The following STAG1 variants were observed in gnomAD, a reference collection of about 807,000 sequenced individuals.
STAG1 encodes the protein cohesin subunit SA-1.
Under a neutral mutation model 170.9 loss-of-function variants are expected in STAG1, and 26 were observed. That is an observed-to-expected ratio of 0.15 (90% CI 0.11 to 0.21). STAG1 has a LOEUF of 0.21. Among genes scored for constraint, STAG1 ranks in the 10% least tolerant of loss-of-function variants. The pLI, the probability that STAG1 is intolerant of heterozygous loss-of-function variation, is 1.00. For missense variants in STAG1, 964 were observed against 1,509.5 expected (o/e 0.64, Z 5.99); for synonymous variants, 514 against 497.7 (o/e 1.03, Z -0.44).
At chr3:136,410,837 G>A (rs1373203014) in intron 21 of STAG1, among the ~76,000 whole-genome samples, 1 of 152,074 alleles carries the variant, frequency 6.6e-6, no homozygotes, top group Non-Finnish European at 1.5e-5. Context: ...AGCTGGGGAC[G>A]GTGGCACATG....
chr3:136,629,849 T>C (rs975669219), intron 2 of STAG1, among the ~76,000 whole-genome samples: 2 of 152,212 alleles, frequency 1.3e-5, no homozygotes, highest in East Asian at 1.9e-4. Context: ...ATAAAAGCTA[T>C]GAAAGGAACA....
intron 1 of STAG1, among the ~76,000 whole-genome samples, chr3:136,693,942 TC>T (rs1000531316): frequency 1.3e-5 from 2 of 152,160 alleles, no homozygotes; most frequent in Non-Finnish European, 2.9e-5. Flanking sequence ...TTGTACAGTC[TC>T]CCATTCCATG....
At chr3:136,664,102 CCAGGTA>C (rs1941673375) in intron 1 of STAG1, among the ~76,000 whole-genome samples, 1 of 152,050 alleles carries the variant, frequency 6.6e-6, no homozygotes. Context: ...AGGATTAAGC[CCAGGTA>C]CTGGTCTAAA....
chr3:136,465,268 GGAGTACAACACCAT>G (rs1171807330), intron 12 of STAG1, among the ~76,000 whole-genome samples: 49 of 140,354 alleles, frequency 3.5e-4, no homozygotes, highest in Non-Finnish European at 5.3e-4. Flanking sequence ...CAACTAGGCT[GGAGTACAACACCAT>G]GATCTTGGCT....
rs61789637 is a variant in STAG1, at chr3:136,376,004, A to T, written c.2370+1656T>A. Among the ~76,000 whole-genome samples the T allele has an allele frequency of 5.7e-3, 787 of 139,002 alleles. 7 individuals are homozygous for T. Among genetic ancestry groups the T allele is most frequent in the Non-Finnish European group, 7.1e-3 (467 of 65,650 alleles). The allele number at this position is 139,002 out of a possible 152,430, so 91.2% of individuals were successfully genotyped here. On this transcript the variant is annotated intron_variant, in intron 23 of 33. Coordinates refer to ENST00000383202, the MANE Select transcript of STAG1 (RefSeq NM_005862.3). ...AATAAATAAATAAATAAATAAATAA[A>T]TAAATAATTAACAAAATAAAATAAA... is the stretch of plus-strand genomic sequence containing the variant.
At chr3:136,723,650 G>GT (rs1933455136) in intron 1 of STAG1, among the ~76,000 whole-genome samples, 1 of 147,240 alleles carries the variant, frequency 6.8e-6, no homozygotes, top group Admixed American at 6.7e-5. Flanking sequence ...CGTCCGGGAG[G>GT]GAGGTGGGGG....
At chr3:136,683,313 G>C (rs1164422670) in intron 1 of STAG1, among the ~76,000 whole-genome samples, 1 of 151,832 alleles carries the variant, frequency 6.6e-6, no homozygotes. Flanking sequence ...TCCCAGGCTG[G>C]AGTACAGTGG....
chr3:136,580,999 A>C (rs540237082), intron 4 of STAG1, among the ~76,000 whole-genome samples: 6 of 151,934 alleles, frequency 3.9e-5, no homozygotes, highest in Non-Finnish European at 8.8e-5. Context: ...CACAATTATA[A>C]GAGAAAGAAA....
At chr3:136,574,255 C>A (rs958188312) in intron 4 of STAG1, among the ~76,000 whole-genome samples, 1 of 151,052 alleles carries the variant, frequency 6.6e-6, no homozygotes, top group African/African-American at 2.4e-5. Context: ...AAAAAAAAAA[C>A]CCGACCACAT....
chr3:136,421,217 TTAC>T, intron 19 of STAG1, 54 bp from the exon 20 acceptor site: 2 of 1,076,216 alleles, frequency 1.9e-6, no homozygotes, highest in Middle Eastern at 2.3e-4. Flanking sequence ...TTATAGTATA[TTAC>T]TACTTATTGC....
chr3:136,635,406 C>T lies in STAG1; in HGVS notation c.-83-4425G>A, dbSNP rs1434133565. Among the ~76,000 whole-genome samples the T allele has an allele frequency of 3.9e-5, 6 of 152,102 alleles. No homozygotes were observed. In the East Asian group the frequency reaches 1.2e-3, roughly 29 times the overall value. The stretch of plus-strand genomic sequence containing the variant: ...CAAAAGACAAAGGAAAAGCACTTGA[C>T]AAAATCCAACACCCATTCATAATAA... On this transcript the variant is annotated intron_variant, in intron 1 of 33. Coordinates refer to ENST00000383202, the MANE Select transcript of STAG1 (RefSeq NM_005862.3).
At chr3:136,542,067 C>A in intron 6 of STAG1, 52 bp downstream of exon 6, 1 of 1,279,408 alleles carries the variant, frequency 7.8e-7, no homozygotes, top group South Asian at 1.2e-5. Context: ...TCAACATATT[C>A]ATCATGTGAA....
intron 4 of STAG1, among the ~76,000 whole-genome samples, chr3:136,598,431 T>C (rs1938522686): frequency 6.6e-6 from 1 of 151,812 alleles, no homozygotes; most frequent in Admixed American, 6.6e-5. Flanking sequence ...CCTTTTTTTT[T>C]TTTCTTTTTT....
chr3:136,649,421 G>A (rs181835516), intron 1 of STAG1, among the ~76,000 whole-genome samples: 15 of 150,388 alleles, frequency 1.0e-4, no homozygotes, highest in African/African-American at 3.4e-4. Flanking sequence ...GGAGGTTGCA[G>A]TGAGTGGAGA....
chr3:136,687,615 T>C (rs920082906), intron 1 of STAG1, among the ~76,000 whole-genome samples: 2 of 152,138 alleles, frequency 1.3e-5, no homozygotes, highest in Admixed American at 6.5e-5. Flanking sequence ...GGATCATGGA[T>C]AGATGAGGGT....
At chr3:136,461,132 C>A (rs1475419782) in intron 13 of STAG1, among the ~76,000 whole-genome samples, 1 of 152,116 alleles carries the variant, frequency 6.6e-6, no homozygotes, top group Admixed American at 6.6e-5. Flanking sequence ...GAAATCAACA[C>A]CCCTTCATGA....
chr3:136,691,430 C>CAAAAAAAAAA (rs529191103), intron 1 of STAG1, among the ~76,000 whole-genome samples: 1 of 132,730 alleles, frequency 7.5e-6, no homozygotes. Context: ...GCGAGACTCT[C>CAAAAAAAAAA]AAAAAAAAAA....
chr3:136,585,126 AG>A (rs1937744060), intron 4 of STAG1, among the ~76,000 whole-genome samples: 1 of 152,166 alleles, frequency 6.6e-6, no homozygotes, highest in African/African-American at 2.4e-5. Context: ...GTCCTAGATC[AG>A]TTTTCTCACT....
chr3:136,726,945 A>C (rs1342219024), intron 1 of STAG1, among the ~76,000 whole-genome samples: 1 of 152,138 alleles, frequency 6.6e-6, no homozygotes. Context: ...TTTCTGCTAA[A>C]AAGATTTATC....
Sources: gnomAD v4.1 joint callset for allele counts (sites outside exome capture counted in the v4.1 genomes callset) on GRCh38, gnomAD v4.1.1 for gene constraint, MANE v1.5 for transcripts, NCBI Gene and HGNC (gene_info 2026-07-23, HGNC 2026-07-21) for gene names.